THSD7A: variants seen among roughly 807,000 people sequenced by gnomAD.
The protein encoded by THSD7A is thrombospondin type 1 domain containing 7A.
In THSD7A, 96 loss-of-function variants were observed where a neutral mutation model predicts 231.3. The observed-to-expected ratio is 0.41, with a 90% CI of 0.35 to 0.49. The LOEUF (loss-of-function observed/expected upper bound fraction) is 0.49, where lower values mean the gene tolerates loss of function less well. Among genes scored for constraint, THSD7A ranks in the 20% least tolerant of loss-of-function variants. The pLI is 0.05. For synonymous variants in THSD7A, 940 were observed against 743.3 expected, an observed-to-expected ratio of 1.26 and a Z score of -4.30; for missense variants, 2,290 against 2,070.2, an observed-to-expected ratio of 1.11 and a Z score of -2.06.
At chr7:11,801,479 G>A (rs1342841347) in intron 1 of THSD7A, among the ~76,000 whole-genome samples, 7 of 152,124 alleles carry the variant, frequency 4.6e-5, no homozygotes, top group African/African-American at 7.2e-5. Context: ...AGGTAACAAC[G>A]TTAGAAAGTG....
chr7:11,792,822 T>C (rs1783999954), intron 1 of THSD7A, among the ~76,000 whole-genome samples: 1 of 151,982 alleles, frequency 6.6e-6, no homozygotes, highest in Non-Finnish European at 1.5e-5. Context: ...TATTCAACTT[T>C]CCATTGCAGC....
intron 1 of THSD7A, among the ~76,000 whole-genome samples, chr7:11,684,684 G>A (rs1779971112): frequency 6.6e-6 from 1 of 151,864 alleles, no homozygotes; most frequent in South Asian, 2.1e-4. Flanking sequence ...GCAGGTGAAA[G>A]ATCTCTACAA....
At chr7:11,521,759 G>A (rs571822945) in intron 6 of THSD7A, among the ~76,000 whole-genome samples, 1 of 148,870 alleles carries the variant, frequency 6.7e-6, no homozygotes, top group African/African-American at 2.5e-5. Context: ...CGGACTAGGG[G>A]CAGGCAGAAA....
At chr7:11,512,378 G>C (rs370590316) in intron 6 of THSD7A, among the ~76,000 whole-genome samples, 1 of 152,102 alleles carries the variant, frequency 6.6e-6, no homozygotes, top group African/African-American at 2.4e-5. Context: ...TCAGTGTGGC[G>C]ATTCCTCAAG....
intron 7 of THSD7A, among the ~76,000 whole-genome samples, chr7:11,476,729 C>T (rs904891488): frequency 7.3e-5 from 11 of 150,544 alleles, no homozygotes; most frequent in East Asian, 4.0e-4. Flanking sequence ...GCAGGAGAAT[C>T]GCTTGAGCCT....
chr7:11,766,809 G>C (rs1168862826), intron 1 of THSD7A, among the ~76,000 whole-genome samples: 3 of 152,146 alleles, frequency 2.0e-5, no homozygotes, highest in African/African-American at 7.2e-5. Flanking sequence ...AATGCAACGA[G>C]TGGGGTTTGG....
rs1292523226 is a variant in THSD7A at position 11,636,342 on chromosome 7, T to C, written c.810A>G (p.Gln270=). ...TCCCGCGTCTCCTTGCTTGTCTTAC[T>C]TGTCGGGAGTGGGGCATTGAGCAGG... The part of the protein sequence containing the change: ...WSTCSMPHSR[Q]VRQARRRGKN... Residue 270 remains glutamine, a synonymous_variant, in exon 2 of 28, where the codon CAA becomes CAG. Transcript: ENST00000423059. This position sits in a 1 kb window ranked among gnomAD's most constrained non-coding sequence, Gnocchi z 10.0. 1 of 1,613,916 alleles carries C rather than the reference T, an allele frequency of 6.2e-7. No homozygotes were observed.
intron 1 of THSD7A, among the ~76,000 whole-genome samples, chr7:11,683,870 G>C (rs1461379400): frequency 6.6e-6 from 1 of 151,872 alleles, no homozygotes; most frequent in East Asian, 1.9e-4. Flanking sequence ...GTAACTCATT[G>C]TACAAATCGA....
At chr7:11,584,581 G>T (rs576224155) in intron 4 of THSD7A, among the ~76,000 whole-genome samples, 6 of 152,028 alleles carry the variant, frequency 3.9e-5, no homozygotes, top group Non-Finnish European at 8.8e-5. Flanking sequence ...GGCAAATAAA[G>T]TTAAGTAATG....
chr7:11,401,485 C>T (rs377094798), intron 23 of THSD7A, among the ~76,000 whole-genome samples: 3 of 152,098 alleles, frequency 2.0e-5, no homozygotes, highest in African/African-American at 7.2e-5. Flanking sequence ...GGTGCAATCT[C>T]GGCTCACTGC....
chr7:11,534,709 C>A (rs1180237947), intron 6 of THSD7A, among the ~76,000 whole-genome samples: 2 of 152,052 alleles, frequency 1.3e-5, no homozygotes, highest in African/African-American at 4.8e-5. Context: ...CATGGGAAGA[C>A]AATATTTTAC....
chr7:11,528,344 T>A lies in THSD7A; in HGVS notation c.1822+13075A>T, dbSNP rs550537121. 3.3e-5 allele frequency among the ~76,000 whole-genome samples: 5 copies of A among 152,300 alleles called. No homozygotes were observed. In the South Asian group the frequency reaches 8.3e-4, roughly 25 times the overall value. ...AATTATTTCTGTACAAGCTCTTGGA[T>A]ATATTCTCTCTGTTAGCTTGTACTG... On this transcript the variant is annotated intron_variant, in intron 6 of 27. Transcript: ENST00000423059.
chr7:11,820,645 A>ACCT (rs751875198), intron 1 of THSD7A: 4 of 777,544 alleles, frequency 5.1e-6, no homozygotes, highest in African/African-American at 1.7e-5. Flanking sequence ...GCGCTCTGCC[A>ACCT]CCTCCTCTTT....
chr7:11,769,153 A>ATATATATATATATATAT, intron 1 of THSD7A, among the ~76,000 whole-genome samples: 1 of 27,648 alleles, frequency 3.6e-5, no homozygotes, highest in Non-Finnish European at 7.0e-5. Flanking sequence ...ATATATATAT[A>ATATATATATATATATAT]TTTTTTTTTT....
At position 11,446,808 on chromosome 7, in the gene THSD7A, G is replaced by C. The variant is rs1784985810; in HGVS notation, c.2800+422C>G. On this transcript the variant is annotated intron_variant, in intron 12 of 27. Coordinates refer to ENST00000423059, the MANE Select transcript of THSD7A (RefSeq NM_015204.3). This position sits in a 1 kb window ranked among gnomAD's most constrained non-coding sequence, Gnocchi z 4.0. ...ATTCATGCTGTTAGTCATTACTATGGTTTAAAATACAATTTTCAGATACAG... is the reference window on the plus strand; with the variant it reads ...ATTCATGCTGTTAGTCATTACTATGCTTTAAAATACAATTTTCAGATACAG... Among the ~76,000 whole-genome samples, 1 of 152,078 alleles carries C rather than the reference G, an allele frequency of 6.6e-6. No homozygotes were observed. The highest frequency in any genetic ancestry group is 1.5e-5 in the Non-Finnish European group (1 of 68,002).
intron 1 of THSD7A, among the ~76,000 whole-genome samples, chr7:11,758,716 A>T (rs1376732441): frequency 6.6e-6 from 1 of 152,080 alleles, no homozygotes; most frequent in Non-Finnish European, 1.5e-5. Flanking sequence ...TCAAAGCCAC[A>T]ATCCTATCTT....
chr7:11,549,700 T>C (rs1392425225), intron 4 of THSD7A, among the ~76,000 whole-genome samples: 1 of 152,140 alleles, frequency 6.6e-6, no homozygotes, highest in African/African-American at 2.4e-5. Flanking sequence ...TACTTCATGT[T>C]TTCACTTATA....
chr7:11,442,719 GACTTT>G (rs1356618910), intron 13 of THSD7A, among the ~76,000 whole-genome samples: 3 of 152,022 alleles, frequency 2.0e-5, no homozygotes, highest in African/African-American at 7.2e-5. Flanking sequence ...AATTTCTCAA[GACTTT>G]ACTTTGAGTA....
chr7:11,819,874 G>A (rs1043089602), intron 1 of THSD7A, among the ~76,000 whole-genome samples: 1 of 152,154 alleles, frequency 6.6e-6, no homozygotes, highest in African/African-American at 2.4e-5. Context: ...TACCACACTA[G>A]CGCAAGATTC....
Sources: gnomAD v4.1 joint callset for allele counts (sites outside exome capture counted in the v4.1 genomes callset) on GRCh38, gnomAD v4.1.1 for gene constraint, Gnocchi (gnomAD v3.1) non-coding constraint, MANE v1.5 for transcripts, NCBI Gene and HGNC (gene_info 2026-07-23, HGNC 2026-07-21) for gene names.